Variants in SPAG1 observed in about 807,000 individuals in gnomAD.
The protein encoded by SPAG1 is sperm-associated antigen 1.
SPAG1 carries 69 observed loss-of-function variants against 100.5 expected under a neutral mutation model. The observed-to-expected ratio is 0.69, with a 90% CI of 0.57 to 0.84. The LOEUF (loss-of-function observed/expected upper bound fraction) is 0.84, where lower values mean the gene tolerates loss of function less well. Ranked by LOEUF, SPAG1 falls within the 40% of genes least tolerant of loss-of-function variation. SPAG1 has a pLI of 0.00. For synonymous variants in SPAG1, 336 were observed against 411.6 expected (o/e 0.82, Z 2.22); for missense variants, 955 against 1,133.1 (o/e 0.84, Z 2.26).
Position 100,240,709 on chromosome 8 carries a change from GA to G in SPAG1, c.2592del (p.Asp865IlefsTer12). The G allele has an allele frequency of 6.2e-7, 1 of 1,613,090 alleles. No homozygotes were observed. Among genetic ancestry groups the G allele is most frequent in the Non-Finnish European group, 8.5e-7 (1 of 1,179,740 alleles). On this transcript the variant is annotated frameshift_variant, in exon 18 of 19. Coordinates refer to ENST00000388798, the MANE Select transcript of SPAG1 (RefSeq NM_003114.5). LOFTEE classifies it high-confidence loss of function. The part of the protein sequence containing the change: ...LIQSLKNNLI[E>X]KDPSLVYQHL... ...TCAGTCTCTGAAAAATAATCTTATT[GA>G]AAAAGATCCCTCATTGGTGTATCAG...
intron 3 of SPAG1, among the ~76,000 whole-genome samples, chr8:100,169,464 G>A (rs992548782): frequency 1.1e-4 from 17 of 152,342 alleles, no homozygotes; most frequent in African/African-American, 3.6e-4. Context: ...ACTGGGCTGA[G>A]CACAGTGGCT....
At chr8:100,165,304 G>A in intron 2 of SPAG1, 2 of 515,116 alleles carry the variant, frequency 3.9e-6, no homozygotes, top group Non-Finnish European at 7.9e-6. Flanking sequence ...GTCTGTGCAG[G>A]ATTTTTTCCT....
chr8:100,207,950 G>A (rs112273415), intron 10 of SPAG1, among the ~76,000 whole-genome samples: 3,397 of 152,258 alleles, frequency 0.022, 128 homozygotes, highest in African/African-American at 0.078. Context: ...CCAGAAGGCC[G>A]TGTATACTCT....
chr8:100,165,746 T>G (rs1815521324), intron 2 of SPAG1, 68 bp from the exon 3 acceptor site: 1 of 1,364,662 alleles, frequency 7.3e-7, no homozygotes, highest in Non-Finnish European at 1.0e-6. Context: ...GAACCCAGCC[T>G]GCAAACCGCT....
chr8:100,213,303 G>A lies in SPAG1; in HGVS notation c.1310G>A (p.Gly437Asp). Residue 437 changes from glycine (G) to aspartate (D), a missense_variant, in exon 11 of 19, where the codon GGC (glycine) becomes GAC (aspartate). Transcript: ENST00000388798. Reference sequence around the variant, plus strand: ...GGCGGCGGCGCCACCGGGCATCCGGGCGGCGGGCAGGGCGCGGAGAACCCT... The same window carrying A: ...GGCGGCGGCGCCACCGGGCATCCGGACGGCGGGCAGGGCGCGGAGAACCCT... ...AAGGGATGHP[G>D]GGQGAENPAG... is the part of the protein sequence containing the mutation. 3.2e-6 allele frequency: 4 copies of A among 1,235,728 alleles called. No individual in the cohort carries two copies. Among genetic ancestry groups the A allele is most frequent in the Non-Finnish European group, 3.0e-6 (3 of 991,146 alleles). 76.5% of individuals were successfully genotyped at this position (1,235,728 alleles called of 1,614,324 possible).
At chr8:100,179,435 G>A (rs1375404601) in intron 4 of SPAG1, among the ~76,000 whole-genome samples, 1 of 152,166 alleles carries the variant, frequency 6.6e-6, no homozygotes, top group African/African-American at 2.4e-5. Flanking sequence ...ACTGTGCCTT[G>A]AAAATATAAC....
Position 100,213,447 on chromosome 8 carries a change from G to A in SPAG1, c.1435+19G>A, listed in dbSNP as rs745984609. 17 of 1,381,042 alleles carry A rather than the reference G, an allele frequency of 1.2e-5. No individual in the cohort carries two copies. Among genetic ancestry groups the A allele is most frequent in the Admixed American group, 3.4e-5 (1 of 29,014 alleles). The allele number at this position is 1,381,042 out of a possible 1,614,324, so 85.5% of individuals were successfully genotyped here. A position where few individuals can be genotyped will look rare whatever the true frequency, so the allele number is the denominator to read the frequency against. On this transcript the variant is annotated intron_variant, in intron 11 of 18. Coordinates refer to ENST00000388798, the MANE Select transcript of SPAG1 (RefSeq NM_003114.5). ...CCAGCAGGTAGGTGCGCCGCGCCCC[G>A]CCGCTTCCTGGGCCCCTCGCGCTGC...
chr8:100,175,025 C>T (rs868068301), intron 3 of SPAG1, among the ~76,000 whole-genome samples: 1 of 146,420 alleles, frequency 6.8e-6, no homozygotes, highest in Admixed American at 6.9e-5. Flanking sequence ...AGGGCTGGAA[C>T]GTAATGGCTA....
At chr8:100,178,817 C>T (rs891997842) in intron 4 of SPAG1, among the ~76,000 whole-genome samples, 2 of 152,074 alleles carry the variant, frequency 1.3e-5, no homozygotes, top group African/African-American at 4.8e-5. Context: ...GAATAGTTGG[C>T]CAGGCACGGT....
intron 2 of SPAG1, among the ~76,000 whole-genome samples, chr8:100,163,002 G>A (rs1815385700): frequency 6.6e-6 from 1 of 151,906 alleles, no homozygotes; most frequent in East Asian, 1.9e-4. Flanking sequence ...GCTATTAGGA[G>A]GTAAGCTTAT....
chr8:100,228,492 C>T lies in SPAG1; in HGVS notation c.1856-2664C>T, dbSNP rs1055332670. ...CTTTTGGAGGCTGAGGTGGGCAGAT[C>T]GCCAGAGCTCAGGAGTTTGAGACCA... On this transcript the variant is annotated intron_variant, in intron 14 of 18. Coordinates refer to ENST00000388798, the MANE Select transcript of SPAG1 (RefSeq NM_003114.5). Among the ~76,000 whole-genome samples the T allele has an allele frequency of 2.6e-5, 4 of 151,380 alleles. No individual in the cohort carries two copies. The East Asian group carries it at 5.8e-4, about 22-fold the overall frequency.
At chr8:100,217,549 G>A (rs1818059151) in intron 12 of SPAG1, among the ~76,000 whole-genome samples, 1 of 151,972 alleles carries the variant, frequency 6.6e-6, no homozygotes, top group South Asian at 2.1e-4. Flanking sequence ...TAGACCTCCA[G>A]GTGAAACATG....
At chr8:100,163,874 G>A (rs776625681) in intron 2 of SPAG1, among the ~76,000 whole-genome samples, 1 of 152,082 alleles carries the variant, frequency 6.6e-6, no homozygotes, top group African/African-American at 2.4e-5. Context: ...TGAAACAGTT[G>A]GAAAGCTACA....
chr8:100,196,970 G>C lies in SPAG1; in HGVS notation c.1096+2702G>C, dbSNP rs969113005. 4.6e-5 allele frequency among the ~76,000 whole-genome samples: 7 copies of C among 151,834 alleles called. No homozygotes were observed. In the South Asian group the frequency reaches 1.5e-3, roughly 32 times the overall value. On this transcript the variant is annotated intron_variant, in intron 10 of 18. Coordinates refer to ENST00000388798, the MANE Select transcript of SPAG1 (RefSeq NM_003114.5). ...GGAGTCTCGCCATTTCGCCCAGGCT[G>C]GATTCAAGCTCCTGGGCCAAAGATT...
chr8:100,186,341 G>C (rs2514711), intron 7 of SPAG1, among the ~76,000 whole-genome samples: 85,296 of 151,848 alleles, frequency 0.56, 24,147 homozygotes, highest in East Asian at 0.68. Flanking sequence ...AAAGTGCTGA[G>C]ATTACAGGGG....
chr8:100,220,849 G>A (rs1818240589), intron 13 of SPAG1, among the ~76,000 whole-genome samples: 1 of 152,142 alleles, frequency 6.6e-6, no homozygotes, highest in Non-Finnish European at 1.5e-5. Context: ...AAGGCGGGTG[G>A]ATCACTTGAG....
chr8:100,194,010 G>C, intron 9 of SPAG1, 102 bp from the exon 10 acceptor site: 2 of 1,048,596 alleles, frequency 1.9e-6, no homozygotes, highest in Non-Finnish European at 1.3e-6. Context: ...CCTTGTCTTA[G>C]TTGTATTCAT....
intron 11 of SPAG1, 66 bp downstream of exon 11, chr8:100,213,494 C>A: frequency 8.0e-7 from 1 of 1,254,162 alleles, no homozygotes; most frequent in South Asian, 2.0e-5. Context: ...CCTCCGGGGC[C>A]CCCGTGGGAG....
intron 14 of SPAG1, among the ~76,000 whole-genome samples, chr8:100,225,631 G>C (rs1440052717): frequency 6.6e-6 from 1 of 151,324 alleles, no homozygotes; most frequent in African/African-American, 2.4e-5. Flanking sequence ...GCTAATTTTA[G>C]TGGGTTTTTT....
Sources: allele counts gnomAD v4.1 joint callset (sites outside exome capture counted in the v4.1 genomes callset), GRCh38; gene constraint gnomAD v4.1.1; transcripts MANE v1.5; gene names NCBI Gene and HGNC (gene_info 2026-07-23, HGNC 2026-07-21).